Variants in SYN3 observed in about 807,000 individuals in gnomAD.
The protein encoded by SYN3 is synapsin III.
Under a neutral mutation model 65.8 loss-of-function variants are expected in SYN3, and 35 were observed. The observed-to-expected ratio is 0.53, with a 90% CI of 0.41 to 0.70. The LOEUF is 0.70. Ranked by LOEUF, SYN3 falls within the 30% of genes least tolerant of loss-of-function variation. The probability of loss-of-function intolerance (pLI) is 0.00; values close to 1 mark genes in which losing one functional copy is unlikely to be tolerated. For missense variants in SYN3, 680 were observed against 749.0 expected (o/e 0.91, Z 1.08); for synonymous variants, 270 against 292.9 (o/e 0.92, Z 0.80).
At chr22:32,531,975 C>G (rs1490191040) in intron 10 of SYN3, among the ~76,000 whole-genome samples, 6 of 151,494 alleles carry the variant, frequency 4.0e-5, no homozygotes, top group African/African-American at 7.3e-5. Flanking sequence ...AGGCAGGAAG[C>G]CTGAGCCCAT....
At chr22:33,007,796 C>G (rs1310907329) in intron 1 of SYN3, among the ~76,000 whole-genome samples, 2 of 152,198 alleles carry the variant, frequency 1.3e-5, no homozygotes, top group Non-Finnish European at 2.9e-5. Flanking sequence ...AGATAATATA[C>G]ACATCTATTG....
Position 32,617,371 on chromosome 22 carries a change from A to G in SYN3, c.712-20635T>C, listed in dbSNP as rs2059535156. On this transcript the variant is annotated intron_variant, in intron 6 of 13. Coordinates refer to ENST00000358763, the MANE Select transcript of SYN3 (RefSeq NM_003490.4). ...TGGGTGGGGACGTGGAGGTGATGAG[A>G]TTGGGCACGTCCTGGAACTGGGCAA... is the stretch of plus-strand genomic sequence containing the variant. 2.0e-5 allele frequency among the ~76,000 whole-genome samples: 3 copies of G among 151,948 alleles called. No individual in the cohort carries two copies. The South Asian group carries it at 6.2e-4, about 32-fold the overall frequency.
intron 4 of SYN3, among the ~76,000 whole-genome samples, chr22:32,919,869 C>T (rs2050289576): frequency 6.6e-6 from 1 of 152,160 alleles, no homozygotes; most frequent in East Asian, 1.9e-4. Flanking sequence ...GTTTGCCCAT[C>T]TGTAAAATGG....
At chr22:32,823,935 A>C (rs1365523475) in intron 6 of SYN3, among the ~76,000 whole-genome samples, 1 of 152,142 alleles carries the variant, frequency 6.6e-6, no homozygotes, top group Non-Finnish European at 1.5e-5. Context: ...ATGGAGTGAC[A>C]TCTTATGAAG....
intron 3 of SYN3, among the ~76,000 whole-genome samples, chr22:32,965,937 G>T (rs999964541): frequency 6.6e-6 from 1 of 152,122 alleles, no homozygotes; most frequent in African/African-American, 2.4e-5. Context: ...CTTGTGATCT[G>T]CCCGCCTTGG....
intron 1 of SYN3, among the ~76,000 whole-genome samples, chr22:33,031,186 T>A (rs946765664): frequency 6.6e-6 from 1 of 152,086 alleles, no homozygotes; most frequent in Non-Finnish European, 1.5e-5. Flanking sequence ...ATTGGGTGAG[T>A]TCCCTCTGGA....
intron 6 of SYN3, among the ~76,000 whole-genome samples, chr22:32,778,961 C>T (rs1000160914): frequency 4.6e-5 from 7 of 152,142 alleles, no homozygotes; most frequent in African/African-American, 9.7e-5. Flanking sequence ...GCACCTCTTA[C>T]GTGCCCAGCT....
chr22:32,999,651 C>T (rs1192907889), intron 2 of SYN3, among the ~76,000 whole-genome samples: 1 of 152,116 alleles, frequency 6.6e-6, no homozygotes, highest in Non-Finnish European at 1.5e-5. Context: ...CCATTCCACT[C>T]CAGCCTAGGC....
intron 1 of SYN3, among the ~76,000 whole-genome samples, chr22:33,011,682 C>A (rs528716568): frequency 6.6e-6 from 1 of 152,060 alleles, no homozygotes; most frequent in Non-Finnish European, 1.5e-5. Context: ...CAGAATTCAA[C>A]AGTGAAACCA....
intron 1 of SYN3, among the ~76,000 whole-genome samples, chr22:33,014,706 G>T (rs1341110576): frequency 1.3e-5 from 2 of 152,148 alleles, no homozygotes; most frequent in African/African-American, 4.8e-5. Flanking sequence ...CTTGAACCCG[G>T]GAGGCGGGAG....
intron 6 of SYN3, among the ~76,000 whole-genome samples, chr22:32,675,319 C>A (rs903386432): frequency 6.6e-6 from 1 of 152,176 alleles, no homozygotes; most frequent in East Asian, 1.9e-4. Context: ...CCTAACACAA[C>A]CCTGTCCCTG....
chr22:32,651,032 G>A (rs1341889894), intron 6 of SYN3, among the ~76,000 whole-genome samples: 1 of 152,134 alleles, frequency 6.6e-6, no homozygotes, highest in Non-Finnish European at 1.5e-5. Context: ...AAGTCCTCAT[G>A]GGTGGGAGGG....
intron 3 of SYN3, among the ~76,000 whole-genome samples, chr22:32,943,763 C>A (rs980677940): frequency 2.0e-5 from 3 of 152,036 alleles, no homozygotes; most frequent in African/African-American, 7.2e-5. Flanking sequence ...ACCTACCAAG[C>A]AAATGGAAAA....
chr22:32,945,350 C>T (rs375509544), intron 3 of SYN3, among the ~76,000 whole-genome samples: 33 of 152,184 alleles, frequency 2.2e-4, no homozygotes, highest in African/African-American at 6.7e-4. Context: ...GAGATATAGA[C>T]CAATGGAACA....
At chr22:32,768,538 T>A (rs2045685542) in intron 6 of SYN3, among the ~76,000 whole-genome samples, 1 of 152,214 alleles carries the variant, frequency 6.6e-6, no homozygotes, top group African/African-American at 2.4e-5. Flanking sequence ...CATATATGTA[T>A]AATCAACTGC....
chr22:32,858,593 C>T (rs1308490794), intron 6 of SYN3, among the ~76,000 whole-genome samples: 2 of 152,272 alleles, frequency 1.3e-5, no homozygotes, highest in East Asian at 3.9e-4. Context: ...TTTACCAGGC[C>T]CATCCCCCTG....
chr22:33,048,582 G>A (rs992020440), intron 1 of SYN3, among the ~76,000 whole-genome samples: 1 of 151,960 alleles, frequency 6.6e-6, no homozygotes, highest in African/African-American at 2.4e-5. Flanking sequence ...AGCCTGGCAC[G>A]TACTCCTCTC....
chr22:33,011,748 T>C (rs908500704), intron 1 of SYN3, among the ~76,000 whole-genome samples: 3 of 152,214 alleles, frequency 2.0e-5, no homozygotes, highest in African/African-American at 7.2e-5. Flanking sequence ...CAATCTCTTT[T>C]ATAAAGCTAT....
At chr22:32,819,233 G>A (rs1025460106) in intron 6 of SYN3, among the ~76,000 whole-genome samples, 16 of 152,218 alleles carry the variant, frequency 1.1e-4, no homozygotes, top group Non-Finnish European at 1.5e-4. Context: ...GGTTTCACCC[G>A]CAAGGAGCTG....
Sources: allele counts gnomAD v4.1 joint callset (sites outside exome capture counted in the v4.1 genomes callset), GRCh38; gene constraint gnomAD v4.1.1; transcripts MANE v1.5; gene names NCBI Gene and HGNC (gene_info 2026-07-23, HGNC 2026-07-21).